Variants in CCDC178 observed in about 807,000 individuals in gnomAD.
CCDC178 encodes the protein coiled-coil domain containing 178, also known as coiled-coil domain-containing protein 178.
In CCDC178, 126 loss-of-function variants were observed where a neutral mutation model predicts 117.4. The ratio of observed to expected loss-of-function variants is 1.07; its 90% confidence interval spans 0.93 to 1.24. The LOEUF (loss-of-function observed/expected upper bound fraction) is 1.24, where lower values mean the gene tolerates loss of function less well. Ranked by LOEUF, CCDC178 falls within the 50% of genes most tolerant of loss-of-function variation. The pLI is 0.00. For synonymous variants in CCDC178, 283 were observed against 313.4 expected (o/e 0.90, Z 1.02); for missense variants, 1,030 against 986.9 (o/e 1.04, Z -0.59).
chr18:33,256,836 GT>G (rs2059686232), intron 14 of CCDC178, among the ~76,000 whole-genome samples: 1 of 151,936 alleles, frequency 6.6e-6, no homozygotes, highest in East Asian at 1.9e-4. Flanking sequence ...AATGAATCCA[GT>G]TTTAATTTTT....
intron 21 of CCDC178, among the ~76,000 whole-genome samples, chr18:33,080,402 C>A (rs1361181354): frequency 1.3e-5 from 2 of 152,002 alleles, no homozygotes; most frequent in African/African-American, 2.4e-5. Context: ...GCACATGTAA[C>A]CCTGAACCTA....
intron 22 of CCDC178, among the ~76,000 whole-genome samples, chr18:32,948,871 T>G (rs1266437479): frequency 6.6e-6 from 1 of 152,098 alleles, no homozygotes; most frequent in African/African-American, 2.4e-5. Flanking sequence ...GACCTGTATT[T>G]CTATCTAGTG....
At chr18:33,260,488 T>C (rs9951667) in intron 14 of CCDC178, among the ~76,000 whole-genome samples, 10,156 of 150,962 alleles carry the variant, frequency 0.067, 509 homozygotes, top group African/African-American at 0.14. Context: ...ATTATTTACT[T>C]ATTTTTCTTC....
chr18:33,039,497 G>A (rs1464093618), intron 21 of CCDC178, among the ~76,000 whole-genome samples: 1 of 152,024 alleles, frequency 6.6e-6, no homozygotes, highest in Non-Finnish European at 1.5e-5. Context: ...TTGATCAGTG[G>A]CTACAGGGAA....
intron 11 of CCDC178, among the ~76,000 whole-genome samples, chr18:33,317,418 C>T (rs866367517): frequency 3.3e-5 from 5 of 152,178 alleles, no homozygotes; most frequent in Admixed American, 2.6e-4. Context: ...ACTCTGGACA[C>T]GCCGCCTTTA....
intron 21 of CCDC178, among the ~76,000 whole-genome samples, chr18:33,000,977 A>G (rs916709310): frequency 1.3e-5 from 2 of 152,226 alleles, no homozygotes; most frequent in African/African-American, 4.8e-5. Flanking sequence ...TAGATAAACT[A>G]AAAGATGAAC....
intron 6 of CCDC178, among the ~76,000 whole-genome samples, chr18:33,362,179 G>GTA (rs1314472009): frequency 8.6e-4 from 31 of 36,090 alleles, no homozygotes; most frequent in Admixed American, 2.4e-3. Context: ...ATGTCTGTAT[G>GTA]TATATATATA....
intron 20 of CCDC178, among the ~76,000 whole-genome samples, chr18:33,131,471 A>G (rs921397117): frequency 2.6e-5 from 4 of 151,788 alleles, no homozygotes; most frequent in Non-Finnish European, 5.9e-5. Flanking sequence ...TTACAGTGGT[A>G]ATATTTTGTT....
rs1400241939 is a variant in CCDC178, at chr18:33,126,996, A to AT, written c.2239-34087_2239-34086insA. ...TTATCTGCATTTGGTTAAAAAAAAA[A>AT]AATATATATATATATATATACACAC... On this transcript the variant is annotated intron_variant, in intron 20 of 22. Transcript: ENST00000383096. Among the ~76,000 whole-genome samples, 209 of 139,428 alleles carry AT rather than the reference A, an allele frequency of 1.5e-3. 1 individual carries two copies. The highest frequency in any genetic ancestry group is 3.9e-3 in the African/African-American group (136 of 34,444). The allele number at this position is 139,428 out of a possible 152,430, so 91.5% of individuals were successfully genotyped here.
At chr18:32,986,165 C>T (rs1013730064) in intron 21 of CCDC178, among the ~76,000 whole-genome samples, 1 of 151,836 alleles carries the variant, frequency 6.6e-6, no homozygotes, top group African/African-American at 2.4e-5. Context: ...AATTTTAAAA[C>T]AAAATCAATT....
intron 9 of CCDC178, among the ~76,000 whole-genome samples, chr18:33,341,420 G>A (rs2062815662): frequency 6.6e-6 from 1 of 152,142 alleles, no homozygotes; most frequent in Admixed American, 6.5e-5. Context: ...AAGACTTGGG[G>A]GACAGTTGGG....
chr18:33,362,204 T>TAG (rs909271677), intron 6 of CCDC178, among the ~76,000 whole-genome samples: 1 of 150,436 alleles, frequency 6.6e-6, no homozygotes, highest in Non-Finnish European at 1.5e-5. Context: ...TATATATATA[T>TAG]AGCTAATATT....
At chr18:33,068,967 A>G (rs1293045135) in intron 21 of CCDC178, among the ~76,000 whole-genome samples, 1 of 152,168 alleles carries the variant, frequency 6.6e-6, no homozygotes, top group African/African-American at 2.4e-5. Flanking sequence ...TGAACTCAGT[A>G]AGTTGCAGAA....
intron 20 of CCDC178, among the ~76,000 whole-genome samples, chr18:33,143,111 A>G (rs1010174420): frequency 1.3e-5 from 2 of 152,190 alleles, no homozygotes; most frequent in South Asian, 4.1e-4. Flanking sequence ...TGAAAGACTC[A>G]GAGAGGGATA....
At chr18:33,237,772 GA>G (rs1232624754) in intron 15 of CCDC178, among the ~76,000 whole-genome samples, 1 of 144,582 alleles carries the variant, frequency 6.9e-6, no homozygotes. Flanking sequence ...TCCCAAGACT[GA>G]AAAAAACAAA....
intron 20 of CCDC178, among the ~76,000 whole-genome samples, chr18:33,142,596 G>T (rs954409320): frequency 2.0e-5 from 3 of 151,990 alleles, no homozygotes; most frequent in East Asian, 1.9e-4. Flanking sequence ...AATAGGAAGA[G>T]AAAATTCATG....
intron 20 of CCDC178, among the ~76,000 whole-genome samples, chr18:33,102,630 T>C (rs1432524559): frequency 2.2e-4 from 33 of 151,734 alleles, no homozygotes. Flanking sequence ...TGAGCATCTT[T>C]ACTCACCTGG....
intron 11 of CCDC178, among the ~76,000 whole-genome samples, chr18:33,306,865 G>A (rs1307911264): frequency 6.6e-6 from 1 of 151,894 alleles, no homozygotes. Flanking sequence ...ATGATAATAA[G>A]TTATCATAAG....
chr18:33,199,688 C>G (rs1408930294), intron 20 of CCDC178, among the ~76,000 whole-genome samples: 10 of 152,130 alleles, frequency 6.6e-5, no homozygotes, highest in Admixed American at 6.5e-4. Flanking sequence ...CTCATAATCA[C>G]CCAACCAGGG....
Sources: allele counts gnomAD v4.1 joint callset (sites outside exome capture counted in the v4.1 genomes callset), GRCh38; gene constraint gnomAD v4.1.1; transcripts MANE v1.5; gene names NCBI Gene and HGNC (gene_info 2026-07-23, HGNC 2026-07-21).